The following SETD5 variants were observed in gnomAD, a reference collection of about 807,000 sequenced individuals.
SETD5 encodes the protein histone-lysine N-methyltransferase SETD5.
Under a neutral mutation model 153.3 loss-of-function variants are expected in SETD5, and 44 were observed. The observed-to-expected ratio is 0.29, with a 90% CI of 0.23 to 0.37. SETD5 has a LOEUF of 0.37. Ranked by LOEUF, SETD5 falls within the 10% of genes least tolerant of loss-of-function variation. SETD5 has a pLI of 1.00. For synonymous variants in SETD5, 716 were observed against 645.2 expected (o/e 1.11, Z -1.66); for missense variants, 1,544 against 1,768.0 (o/e 0.87, Z 2.27).
intron 1 of SETD5, among the ~76,000 whole-genome samples, chr3:9,413,934 C>T (rs889390155): frequency 3.3e-5 from 5 of 151,964 alleles, no homozygotes; most frequent in African/African-American, 7.3e-5. Context: ...CGCGCCACCA[C>T]GCCCAGCTAA....
chr3:9,447,963 C>A lies in SETD5; in HGVS notation c.2060C>A (p.Ser687Tyr). The A allele has an allele frequency of 6.2e-7, 1 of 1,613,822 alleles. No individual in the cohort carries two copies. Residue 687 changes from serine to tyrosine, a missense_variant, in exon 15 of 23, where the codon TCC (serine) becomes TAC (tyrosine). Coordinates refer to ENST00000402198, the MANE Select transcript of SETD5 (RefSeq NM_001080517.3). ...CCAACTGTGGTGTCAATTACTGGAT[C>A]CCATGTCAACCGTGCTGCATCTAAA... ...SDPTVVSITGSHVNRAASKYP... is the reference protein window; with the variant it reads ...SDPTVVSITGYHVNRAASKYP...
intron 13 of SETD5, among the ~76,000 whole-genome samples, chr3:9,445,962 GTTGTTTTTT>G (rs1312077305): frequency 1.5e-4 from 18 of 120,246 alleles, no homozygotes; most frequent in African/African-American, 5.6e-4. Flanking sequence ...GTTTGAAGAG[GTTGTTTTTT>G]TTTTTTTTTT....
intron 1 of SETD5, among the ~76,000 whole-genome samples, chr3:9,406,444 T>C (rs1446391624): frequency 6.7e-6 from 1 of 150,062 alleles, no homozygotes; most frequent in Non-Finnish European, 1.5e-5. Context: ...TGGAATGCCT[T>C]AAAAAAGAAT....
At position 9,434,612 on chromosome 3, in the gene SETD5, C is replaced by T; in HGVS notation, c.329+127C>T. ...TAGATGATTCCTTAGTGCTCCTTGG[C>T]TCGAATTCTCTGCACTAGGTGAGAA... On this transcript the variant is annotated intron_variant, in intron 5 of 22. Coordinates refer to ENST00000402198, the MANE Select transcript of SETD5 (RefSeq NM_001080517.3). The surrounding 1 kb of genome is among the most constrained non-coding windows in gnomAD (Gnocchi z 5.6). 1 of 1,495,372 alleles carries T rather than the reference C, an allele frequency of 6.7e-7. No homozygotes were observed. The highest frequency in any genetic ancestry group is 8.9e-7 in the Non-Finnish European group (1 of 1,121,962). The allele number at this position is 1,495,372 out of a possible 1,614,324, so 92.6% of individuals were successfully genotyped here.
chr3:9,469,380 TGAA>T (rs1456258291), intron 18 of SETD5, among the ~76,000 whole-genome samples: 1 of 152,228 alleles, frequency 6.6e-6, no homozygotes, highest in Non-Finnish European at 1.5e-5. Flanking sequence ...TTTTTTCTCT[TGAA>T]GAGAAAGTTA....
intron 3 of SETD5, chr3:9,431,160 AT>A (rs1277969718): frequency 1.0e-6 from 1 of 985,314 alleles, no homozygotes; most frequent in Non-Finnish European, 1.2e-6. Flanking sequence ...ATACGCATTT[AT>A]TTTTGTGTGT....
chr3:9,421,724 A>C (rs1000901058), intron 1 of SETD5, among the ~76,000 whole-genome samples: 2 of 152,122 alleles, frequency 1.3e-5, no homozygotes, highest in African/African-American at 4.8e-5. Flanking sequence ...AGCTACTTTA[A>C]CCCTTTTGAA....
chr3:9,441,577 C>T lies in SETD5; in HGVS notation c.811-16C>T. ...TTCTTGCTGTTGTTTAATGTTATTGCTCTGGTTTTATTCAGTTACAGCTGG... is the reference window on the plus strand; with the variant it reads ...TTCTTGCTGTTGTTTAATGTTATTGTTCTGGTTTTATTCAGTTACAGCTGG... On this transcript the variant is annotated splice_polypyrimidine_tract_variant and intron_variant, in intron 8 of 22. Transcript: ENST00000402198. 6.2e-7 allele frequency: 1 copy of T among 1,612,766 alleles called. No homozygotes were observed. Among genetic ancestry groups the T allele is most frequent in the Non-Finnish European group, 8.5e-7 (1 of 1,178,990 alleles).
chr3:9,430,311 A>G (rs1179520189), intron 3 of SETD5: 4 of 983,002 alleles, frequency 4.1e-6, no homozygotes, highest in African/African-American at 1.7e-5. Flanking sequence ...ATAGTATATA[A>G]TATTCTGGGG....
intron 1 of SETD5, among the ~76,000 whole-genome samples, chr3:9,402,112 C>CA (rs1041336519): frequency 3.9e-5 from 6 of 152,162 alleles, no homozygotes; most frequent in African/African-American, 1.4e-4. Context: ...TAGTTTCCTT[C>CA]ACTTGTCTAT....
At chr3:9,403,499 G>T (rs1221444667) in intron 1 of SETD5, among the ~76,000 whole-genome samples, 1 of 152,178 alleles carries the variant, frequency 6.6e-6, no homozygotes, top group African/African-American at 2.4e-5. Context: ...GCTCGTAGTT[G>T]TCTACAATTT....
At chr3:9,464,829 C>G in intron 18 of SETD5, 157 bp downstream of exon 18, 9 of 1,155,618 alleles carry the variant, frequency 7.8e-6, no homozygotes, top group Non-Finnish European at 1.1e-5. Flanking sequence ...GGCCTGTTAC[C>G]TGGTAGCCTC....
intron 2 of SETD5, chr3:9,426,151 T>A (rs1575320512): frequency 6.7e-6 from 1 of 148,320 alleles, no homozygotes; most frequent in Non-Finnish European, 1.5e-5. Context: ...TTGGATATAC[T>A]GTTAGGGAAA....
intron 1 of SETD5, among the ~76,000 whole-genome samples, chr3:9,420,882 T>C (rs1466491616): frequency 6.6e-6 from 1 of 152,102 alleles, no homozygotes; most frequent in African/African-American, 2.4e-5. Context: ...TTATCTGCTG[T>C]AGCAAACTTG....
In SETD5 at chr3:9,444,724, C is replaced by G. The variant is rs149239801; in HGVS notation, c.1188-324C>G. Among the ~76,000 whole-genome samples, 612 of 152,014 alleles carry G rather than the reference C, an allele frequency of 4.0e-3. 3 individuals carry two copies. The highest frequency in any genetic ancestry group is 0.017 in the Middle Eastern group (5 of 294). On this transcript the variant is annotated intron_variant, in intron 11 of 22. Coordinates refer to ENST00000402198, the MANE Select transcript of SETD5 (RefSeq NM_001080517.3). ...TAGACAACATGGCAAAACCCCGTCT[C>G]TGCCGAAAATAAAAAAATTAGCTGG...
intron 3 of SETD5, chr3:9,430,104 G>C (rs2039786634): frequency 9.7e-7 from 1 of 1,035,550 alleles, no homozygotes; most frequent in African/African-American, 1.7e-5. Context: ...CAGTCCCTGG[G>C]GATTCTTCCC....
Position 9,474,525 on chromosome 3 carries a change from G to A in SETD5, c.3574G>A (p.Ala1192Thr). Residue 1192 changes from alanine to threonine, a missense_variant, in exon 21 of 23, where the codon GCC becomes ACC. Physicochemically the swap from Ala to Thr is moderately conservative, Grantham distance 58. Coordinates refer to ENST00000402198, the MANE Select transcript of SETD5 (RefSeq NM_001080517.3). ...GGTCCTCCGAAGCAGCGTGAGGGTG[G>A]CCCAAAAGGGAGAGCCCTCTCCCAC... ...PKVLRSSVRV[A>T]QKGEPSPTWE... 6.2e-7 allele frequency: 1 copy of A among 1,613,854 alleles called. No homozygotes were observed. Among genetic ancestry groups the A allele is most frequent in the South Asian group, 1.1e-5 (1 of 91,060 alleles).
At chr3:9,463,064 G>T (rs1050727992) in intron 17 of SETD5, among the ~76,000 whole-genome samples, 2 of 152,000 alleles carry the variant, frequency 1.3e-5, no homozygotes, top group Non-Finnish European at 1.5e-5. Flanking sequence ...CTGTCACCCA[G>T]GCTAGAGTAC....
intron 3 of SETD5, chr3:9,431,789 C>A (rs1352692396): frequency 2.2e-6 from 2 of 922,060 alleles, no homozygotes; most frequent in African/African-American, 1.8e-5. Flanking sequence ...ATCTCCATGG[C>A]CATCTTTGAT....
Sources: allele counts gnomAD v4.1 joint callset (sites outside exome capture counted in the v4.1 genomes callset), GRCh38; gene constraint gnomAD v4.1.1; non-coding constraint Gnocchi (gnomAD v3.1); transcripts MANE v1.5; gene names NCBI Gene and HGNC (gene_info 2026-07-23, HGNC 2026-07-21).